Variants in SEM1 observed in about 807,000 individuals in gnomAD.
SEM1 encodes the protein 26S proteasome complex subunit SEM1.
Under a neutral mutation model 12.7 loss-of-function variants are expected in SEM1, and 3 were observed. The observed-to-expected ratio is 0.24, with a 90% CI of 0.11 to 0.61. SEM1 has a LOEUF of 0.61. Among genes scored for constraint, SEM1 ranks in the 20% least tolerant of loss-of-function variants. SEM1 has a pLI of 0.88. For missense variants in SEM1, 59 were observed against 81.3 expected, an observed-to-expected ratio of 0.73 and a Z score of 1.06; for synonymous variants, 30 against 27.8, an observed-to-expected ratio of 1.08 and a Z score of -0.25.
intron 2 of SEM1, among the ~76,000 whole-genome samples, chr7:96,604,011 A>G (rs961443960): frequency 6.6e-6 from 1 of 152,172 alleles, no homozygotes; most frequent in Non-Finnish European, 1.5e-5. Flanking sequence ...AAGTTATTTT[A>G]AGTTTATTTT....
At chr7:96,495,931 C>A (rs888186276) in intron 1 of SEM1, among the ~76,000 whole-genome samples, 1 of 152,094 alleles carries the variant, frequency 6.6e-6, no homozygotes, top group Admixed American at 6.6e-5. Context: ...TACCTACACA[C>A]ATACACCACC....
At chr7:96,588,373 CA>C (rs1806715875) in intron 2 of SEM1, among the ~76,000 whole-genome samples, 1 of 121,854 alleles carries the variant, frequency 8.2e-6, no homozygotes, top group East Asian at 2.5e-4. Context: ...CACACACACA[CA>C]CACACACACA....
chr7:96,490,197 A>G (rs977180059), intron 1 of SEM1, among the ~76,000 whole-genome samples: 5 of 151,978 alleles, frequency 3.3e-5, no homozygotes, highest in African/African-American at 1.2e-4. Flanking sequence ...GATGAAAAAC[A>G]CTCTTCATTT....
intron 3 of SEM1, among the ~76,000 whole-genome samples, chr7:96,502,722 CA>C (rs1324805544): frequency 1.3e-5 from 2 of 152,086 alleles, no homozygotes; most frequent in Non-Finnish European, 2.9e-5. Context: ...TTTCTCTAGC[CA>C]ACGATTTCAT....
chr7:96,568,185 T>C (rs1312700359), intron 2 of SEM1, among the ~76,000 whole-genome samples: 1 of 151,778 alleles, frequency 6.6e-6, no homozygotes, highest in Non-Finnish European at 1.5e-5. Flanking sequence ...CCCTAGATTT[T>C]CTATCCCTTT....
intron 2 of SEM1, among the ~76,000 whole-genome samples, chr7:96,665,018 C>A (rs1789132175): frequency 6.6e-6 from 1 of 152,122 alleles, no homozygotes; most frequent in African/African-American, 2.4e-5. Context: ...TTAGTTCTCC[C>A]AGATTCACAA....
At chr7:96,669,397 C>T (rs1789253002), downstream of SEM1, among the ~76,000 whole-genome samples, 1 of 152,068 alleles carries the variant, frequency 6.6e-6, no homozygotes, top group Non-Finnish European at 1.5e-5. Flanking sequence ...GGTTATGTTC[C>T]ATCAAACTTT....
chr7:96,602,238 G>A (rs1807218071), intron 2 of SEM1, among the ~76,000 whole-genome samples: 1 of 152,124 alleles, frequency 6.6e-6, no homozygotes, highest in Admixed American at 6.6e-5. Flanking sequence ...AGAATGAGTG[G>A]GGATAACAGA....
intron 3 of SEM1, among the ~76,000 whole-genome samples, chr7:96,502,105 A>G (rs940919487): frequency 9.9e-5 from 15 of 152,116 alleles, no homozygotes; most frequent in African/African-American, 3.6e-4. Flanking sequence ...TACATGTGCC[A>G]TATTTTCTTT....
intron 2 of SEM1, among the ~76,000 whole-genome samples, chr7:96,575,975 T>C (rs1369923329): frequency 6.6e-6 from 1 of 152,250 alleles, no homozygotes; most frequent in African/African-American, 2.4e-5. Flanking sequence ...TATCTTTGTA[T>C]ATGTTAAAGT....
chr7:96,599,263 CTCTT>C (rs1429375795), intron 2 of SEM1, among the ~76,000 whole-genome samples: 2 of 152,164 alleles, frequency 1.3e-5, no homozygotes, highest in Non-Finnish European at 2.9e-5. Flanking sequence ...CTCTCTCTCT[CTCTT>C]TCTTTCTACA....
chr7:96,598,988 A>G (rs1397352501), intron 2 of SEM1, among the ~76,000 whole-genome samples: 1 of 152,082 alleles, frequency 6.6e-6, no homozygotes. Flanking sequence ...TACAACCAAG[A>G]GGGAAGCTGT....
intron 2 of SEM1, among the ~76,000 whole-genome samples, chr7:96,610,525 G>C (rs763368124): frequency 1.3e-5 from 2 of 152,184 alleles, no homozygotes; most frequent in Non-Finnish European, 2.9e-5. Flanking sequence ...GTCCTGCTGT[G>C]CTCAAATATC....
chr7:96,517,868 T>A (rs1804144511), intron 2 of SEM1, among the ~76,000 whole-genome samples: 1 of 152,160 alleles, frequency 6.6e-6, no homozygotes, highest in Admixed American at 6.6e-5. Context: ...AATCTGCTAG[T>A]CCTTTCATTT....
At chr7:96,591,571 A>G (rs1027301366) in intron 2 of SEM1, among the ~76,000 whole-genome samples, 2 of 152,232 alleles carry the variant, frequency 1.3e-5, no homozygotes, top group African/African-American at 4.8e-5. Context: ...TGCACTCCAT[A>G]TAAAACTGAT....
chr7:96,674,477 G>A (rs1355479031), intron 2 of SEM1, among the ~76,000 whole-genome samples: 1 of 151,858 alleles, frequency 6.6e-6, no homozygotes, highest in Non-Finnish European at 1.5e-5. Flanking sequence ...GGCAACATAA[G>A]GAGACTCTTT....
chr7:96,637,101 T>C (rs1808451078), intron 2 of SEM1: 1 of 152,070 alleles, frequency 6.6e-6, no homozygotes, highest in Non-Finnish European at 1.5e-5. Flanking sequence ...CACATAGTCC[T>C]TAGGCTAGTG....
At chr7:96,492,585 A>ATTTTTTTTTT (rs59252542) in intron 1 of SEM1, among the ~76,000 whole-genome samples, 5 of 79,672 alleles carry the variant, frequency 6.3e-5, no homozygotes, top group Non-Finnish European at 8.9e-5. Context: ...AATTTTTTGT[A>ATTTTTTTTTT]TTTTTTTTTT....
intron 1 of SEM1, among the ~76,000 whole-genome samples, chr7:96,488,606 G>C (rs4729260): frequency 0.72 from 109,432 of 151,830 alleles, 39,909 homozygotes; most frequent in East Asian, 0.86. Context: ...GAAAATCAAG[G>C]AAACAAATAA....
Sources: allele counts gnomAD v4.1 joint callset (sites outside exome capture counted in the v4.1 genomes callset), GRCh38; gene constraint gnomAD v4.1.1; transcripts MANE v1.5; gene names NCBI Gene and HGNC (gene_info 2026-07-23, HGNC 2026-07-21).